The following ROPN1L variants were observed in gnomAD, a reference collection of about 807,000 sequenced individuals.
ROPN1L encodes the protein ropporin-1-like protein.
Under a neutral mutation model 22.7 loss-of-function variants are expected in ROPN1L, and 23 were observed. That is an observed-to-expected ratio of 1.01 (90% CI 0.73 to 1.43). The LOEUF (loss-of-function observed/expected upper bound fraction) is 1.43. Ranked by LOEUF, ROPN1L falls within the 40% of genes most tolerant of loss-of-function variation. The pLI is 0.00. For missense variants in ROPN1L, 271 were observed against 291.5 expected (o/e 0.93, Z 0.51); for synonymous variants, 116 against 117.8 (o/e 0.98, Z 0.10).
intron 2 of ROPN1L, 23 bp from the exon 3 acceptor site, chr5:10,449,929 G>T (rs376954200): frequency 6.3e-7 from 1 of 1,593,022 alleles, no homozygotes; most frequent in African/African-American, 1.4e-5. Context: ...TACATAAATT[G>T]TCATGCTGTG....
chr5:10,458,297 C>T (rs1219796673), intron 3 of ROPN1L, among the ~76,000 whole-genome samples: 1 of 151,934 alleles, frequency 6.6e-6, no homozygotes, highest in Non-Finnish European at 1.5e-5. Flanking sequence ...TTTCAAGTCC[C>T]CATGCTGGTC....
the ROPN1L span, chr5:10,478,204 G>A: frequency 6.6e-6 from 1 of 152,242 alleles, no homozygotes; most frequent in Non-Finnish European, 1.5e-5. Flanking sequence ...GATGGATCAA[G>A]GTGCAACCAG....
the ROPN1L span, chr5:10,477,972 C>T: frequency 1.3e-5 from 2 of 152,204 alleles, no homozygotes; most frequent in East Asian, 1.9e-4. Context: ...GGATAAAACT[C>T]TCTGTTGAAG....
intron 1 of ROPN1L, 44 bp downstream of exon 1, chr5:10,442,342 A>G (rs994288365): frequency 6.2e-7 from 1 of 1,602,870 alleles, no homozygotes; most frequent in Non-Finnish European, 8.5e-7. Flanking sequence ...TACATGCCCA[A>G]GCCAGACGAG....
intron 4 of ROPN1L, among the ~76,000 whole-genome samples, chr5:10,463,064 G>A (rs139638221): frequency 1.6e-3 from 240 of 152,270 alleles, no homozygotes; most frequent in African/African-American, 5.3e-3. Context: ...CATCAGCCAC[G>A]CAATTCTCAC....
intron 4 of ROPN1L, among the ~76,000 whole-genome samples, chr5:10,463,300 C>T (rs139362325): frequency 1.6e-3 from 242 of 152,304 alleles, no homozygotes; most frequent in African/African-American, 5.6e-3. Flanking sequence ...TTGGGTCCTG[C>T]GGAAGTTCTC....
chr5:10,466,527 C>T (rs575262489), downstream of ROPN1L, among the ~76,000 whole-genome samples: 26 of 152,242 alleles, frequency 1.7e-4, no homozygotes, highest in South Asian at 6.2e-4. Context: ...TAAACTCCAA[C>T]GTGAAAATCT....
intron 3 of ROPN1L, among the ~76,000 whole-genome samples, chr5:10,456,551 A>G (rs1241803244): frequency 3.9e-5 from 6 of 152,200 alleles, no homozygotes; most frequent in Non-Finnish European, 8.8e-5. Context: ...CATATCGCAC[A>G]TGGGAGAATA....
downstream of ROPN1L, among the ~76,000 whole-genome samples, chr5:10,466,667 T>C (rs1225343004): frequency 2.6e-5 from 4 of 152,318 alleles, no homozygotes; most frequent in East Asian, 7.7e-4. Context: ...TCCCTGCTGG[T>C]GAACAAGTCC....
intron 4 of ROPN1L, among the ~76,000 whole-genome samples, chr5:10,470,988 C>G (rs1352178564): frequency 6.6e-6 from 1 of 152,196 alleles, no homozygotes; most frequent in Non-Finnish European, 1.5e-5. Context: ...TCCAAAGTCC[C>G]CCGGGTGGAA....
At chr5:10,479,726 C>T in the ROPN1L span, among the ~76,000 whole-genome samples, 4 of 151,496 alleles carry the variant, frequency 2.6e-5, no homozygotes, top group South Asian at 4.2e-4. Flanking sequence ...CACGGCTTTG[C>T]GGTAATAGGC....
At chr5:10,442,808 G>A in intron 1 of ROPN1L, among the ~76,000 whole-genome samples, 1 of 152,184 alleles carries the variant, frequency 6.6e-6, no homozygotes. Context: ...GAGTGCTCAG[G>A]GTAAACTGTC....
At chr5:10,453,364 G>T (rs751969136) in intron 3 of ROPN1L, among the ~76,000 whole-genome samples, 28 of 152,298 alleles carry the variant, frequency 1.8e-4, no homozygotes, top group Middle Eastern at 3.4e-3. Flanking sequence ...GACCCTCCAG[G>T]CCTTGGTGTG....
Position 10,442,135 on chromosome 5 carries a change from G to A in ROPN1L, c.-33G>A. On this transcript the variant is annotated 5_prime_UTR_variant, in exon 1 of 5. Coordinates refer to ENST00000274134, the MANE Select transcript of ROPN1L (RefSeq NM_031916.5). ...GCCCTTCTTCCTCGCAGCGCGCCGC[G>A]ATTCACCAGCCTGGTCCCTTCTGCG... The A allele has an allele frequency of 6.3e-7, 1 of 1,587,138 alleles. No individual in the cohort carries two copies. The highest frequency in any genetic ancestry group is 8.6e-7 in the Non-Finnish European group (1 of 1,159,726).
At chr5:10,452,305 G>GTGTGTC (rs1183537975) in intron 3 of ROPN1L, among the ~76,000 whole-genome samples, 3 of 145,506 alleles carry the variant, frequency 2.1e-5, no homozygotes, top group Non-Finnish European at 3.0e-5. Flanking sequence ...GTGTGTGTGT[G>GTGTGTC]TGTGTGTGTC....
At chr5:10,465,816 C>T (rs1579661178), downstream of ROPN1L, among the ~76,000 whole-genome samples, 1 of 152,164 alleles carries the variant, frequency 6.6e-6, no homozygotes, top group Admixed American at 6.5e-5. Flanking sequence ...CGCGCCACTG[C>T]ACTAGAGCGA....
chr5:10,443,394 G>A (rs1205948432), intron 1 of ROPN1L, among the ~76,000 whole-genome samples: 3 of 151,410 alleles, frequency 2.0e-5, no homozygotes, highest in South Asian at 2.1e-4. Context: ...AGGCCGAGGC[G>A]GGTGGATCAT....
intron 4 of ROPN1L, among the ~76,000 whole-genome samples, chr5:10,463,577 T>G (rs1219391577): frequency 6.6e-6 from 1 of 152,178 alleles, no homozygotes; most frequent in Non-Finnish European, 1.5e-5. Context: ...CACTTCCCCT[T>G]GGGACCACTG....
Position 10,464,866 on chromosome 5 carries a change from C to T in ROPN1L, c.612C>T (p.Gly204=). The T allele has an allele frequency of 1.2e-6, 2 of 1,601,566 alleles. No homozygotes were observed. Among genetic ancestry groups the T allele is most frequent in the Non-Finnish European group, 1.7e-6 (2 of 1,175,064 alleles). ...LKENIDARKN[G]MIGLSDFFFP... Reference sequence around the variant, plus strand: ...AATTTAGAGACGCCAGGAAGAACGGCATGATAGGTCTTTCAGATTTCTTCT... The same window carrying T: ...AATTTAGAGACGCCAGGAAGAACGGTATGATAGGTCTTTCAGATTTCTTCT... Residue 204 remains glycine, a synonymous_variant, in exon 5 of 5, where the codon GGC becomes GGT. Coordinates refer to ENST00000274134, the MANE Select transcript of ROPN1L (RefSeq NM_031916.5).
Sources: allele counts gnomAD v4.1 joint callset (sites outside exome capture counted in the v4.1 genomes callset), GRCh38; gene constraint gnomAD v4.1.1; transcripts MANE v1.5; gene names NCBI Gene and HGNC (gene_info 2026-07-23, HGNC 2026-07-21).